Variants in TRPC5 observed in about 807,000 individuals in gnomAD.
TRPC5 encodes short transient receptor potential channel 5.
A neutral mutation model predicts 56.5 loss-of-function variants in TRPC5; 9 were observed. The observed-to-expected ratio is 0.16, with a 90% CI of 0.10 to 0.28. TRPC5 has a LOEUF of 0.28. TRPC5 is among the 10% of genes least tolerant of loss of function. TRPC5 has a pLI of 1.00. For missense variants in TRPC5, 469 were observed against 748.9 expected (o/e 0.63, Z 4.36); for synonymous variants, 282 against 278.5 (o/e 1.01, Z -0.13).
chrX:111,825,703 A>G (rs1922212906), intron 7 of TRPC5, among the ~76,000 whole-genome samples: 1 of 112,116 alleles, frequency 8.9e-6, no homozygotes, highest in South Asian at 3.8e-4. Flanking sequence ...TTCGAGGGTC[A>G]ACAGGAAGAG....
chrX:111,856,269 C>T lies in TRPC5; in HGVS notation c.901-2163G>A, dbSNP rs182093670. Among the ~76,000 whole-genome samples, 170 of 110,349 alleles carry T rather than the reference C, an allele frequency of 1.5e-3. 1 individual carries two copies. The highest frequency in any genetic ancestry group is 5.5e-3 in the African/African-American group (166 of 30,314). On this transcript the variant is annotated intron_variant, in intron 3 of 10. Transcript: ENST00000262839. Reference sequence around the variant, plus strand: ...AAAATAGTATGGACTCAGCTGGGCACGGTGGCTCATGCCTGTAGTCCTGGA... The same window carrying T: ...AAAATAGTATGGACTCAGCTGGGCATGGTGGCTCATGCCTGTAGTCCTGGA...
At chrX:111,787,257 CA>C (rs1436949021) in intron 7 of TRPC5, among the ~76,000 whole-genome samples, 1 of 111,856 alleles carries the variant, frequency 8.9e-6, no homozygotes, top group East Asian at 2.8e-4. Context: ...GAAAATCACT[CA>C]AAACTGCACA....
chrX:111,908,435 T>C (rs1473144780), intron 3 of TRPC5, among the ~76,000 whole-genome samples: 1 of 111,699 alleles, frequency 9.0e-6, no homozygotes, highest in Non-Finnish European at 1.9e-5. Context: ...AATATATAAA[T>C]ATAAATCTCC....
At chrX:111,983,188 A>G (rs1395304718) in intron 1 of TRPC5, among the ~76,000 whole-genome samples, 1 of 111,696 alleles carries the variant, frequency 9.0e-6, no homozygotes, top group African/African-American at 3.3e-5. Context: ...TAAGTCCATG[A>G]ATGATAGTTT....
intron 1 of TRPC5, among the ~76,000 whole-genome samples, chrX:111,961,053 G>C (rs1049928392): frequency 3.6e-5 from 4 of 111,500 alleles, no homozygotes; most frequent in African/African-American, 1.3e-4. Flanking sequence ...CTCGTGATCT[G>C]TCTGCCTTGG....
intron 7 of TRPC5, among the ~76,000 whole-genome samples, chrX:111,788,414 CAAAAT>C (rs778421789): frequency 1.8e-5 from 2 of 111,644 alleles, no homozygotes; most frequent in South Asian, 7.6e-4. Context: ...GAATGTATCT[CAAAAT>C]AATAAGAGCT....
At position 111,768,019 on chromosome X, in the gene TRPC5, G is replaced by GA. The variant is rs1248259633; in HGVS notation, c.*8293dup. ...ATCTGAGTTGTCACACATTTCAGGGGAAAAAAGTAAATACTTTATTTTGTT... is the reference window on the plus strand; with the variant it reads ...ATCTGAGTTGTCACACATTTCAGGGGAAAAAAAGTAAATACTTTATTTTGTT... On this transcript the variant is annotated 3_prime_UTR_variant, in exon 11 of 11. Transcript: ENST00000262839. 2.7e-5 allele frequency among the ~76,000 whole-genome samples: 3 copies of GA among 111,347 alleles called. No individual in the cohort carries two copies.
chrX:112,042,291 C>G (rs776700326), intron 1 of TRPC5, among the ~76,000 whole-genome samples: 2 of 111,078 alleles, frequency 1.8e-5, no homozygotes, highest in Non-Finnish European at 3.8e-5. Context: ...GCAGGATCCG[C>G]GAGAAAGGAA....
chrX:111,966,026 T>C (rs1267957686), intron 1 of TRPC5, among the ~76,000 whole-genome samples: 1 of 111,015 alleles, frequency 9.0e-6, no homozygotes, highest in Non-Finnish European at 1.9e-5. Context: ...TTCAAAAAAT[T>C]AATGAATCCA....
intron 3 of TRPC5, among the ~76,000 whole-genome samples, chrX:111,856,247 A>G (rs1923223767): frequency 9.0e-6 from 1 of 110,671 alleles, no homozygotes. Context: ...GCCATTAAAA[A>G]TAGTATGGAC....
At chrX:111,893,942 G>A (rs1924935531) in intron 3 of TRPC5, among the ~76,000 whole-genome samples, 1 of 111,827 alleles carries the variant, frequency 8.9e-6, no homozygotes, top group Non-Finnish European at 1.9e-5. Context: ...TGCCCTTTGT[G>A]GATAAAGTTC....
At chrX:111,966,379 C>T (rs1927577965) in intron 1 of TRPC5, among the ~76,000 whole-genome samples, 1 of 111,666 alleles carries the variant, frequency 9.0e-6, no homozygotes, top group East Asian at 2.8e-4. Flanking sequence ...GATGGATTCA[C>T]AGCCGAATTC....
chrX:112,005,130 T>C (rs1928801020), intron 1 of TRPC5, among the ~76,000 whole-genome samples: 1 of 110,437 alleles, frequency 9.1e-6, no homozygotes, highest in African/African-American at 3.3e-5. Context: ...CCAGCAGTCA[T>C]AAAAAAAGAA....
chrX:112,068,026 A>C (rs1330534791), intron 1 of TRPC5, among the ~76,000 whole-genome samples: 1 of 112,510 alleles, frequency 8.9e-6, no homozygotes, highest in Non-Finnish European at 1.9e-5. Flanking sequence ...ACTGAGGCAT[A>C]GACAGGTTAG....
intron 1 of TRPC5, among the ~76,000 whole-genome samples, chrX:112,047,846 TAAAG>T (rs1162182317): frequency 8.9e-6 from 1 of 111,894 alleles, no homozygotes; most frequent in Non-Finnish European, 1.9e-5. Context: ...TTGTCTAATC[TAAAG>T]AAAGACTGTT....
intron 1 of TRPC5, among the ~76,000 whole-genome samples, chrX:112,042,477 A>G (rs1929918834): frequency 9.0e-6 from 1 of 111,574 alleles, no homozygotes; most frequent in East Asian, 2.8e-4. Flanking sequence ...TAAAGGTACT[A>G]TCACTCTTAA....
intron 1 of TRPC5, among the ~76,000 whole-genome samples, chrX:112,012,537 T>G (rs1929019356): frequency 9.0e-6 from 1 of 110,943 alleles, no homozygotes; most frequent in Non-Finnish European, 1.9e-5. Context: ...GTGTCTTTAC[T>G]GGGCTCTTAT....
At chrX:111,930,730 C>A (rs1926387685) in intron 2 of TRPC5, 1 of 111,998 alleles carries the variant, frequency 8.9e-6, no homozygotes, top group Non-Finnish European at 1.9e-5. Context: ...AATTTGGTAG[C>A]TAGCCTGCAG....
At chrX:111,886,875 C>A (rs1202434541) in intron 3 of TRPC5, among the ~76,000 whole-genome samples, 1 of 112,770 alleles carries the variant, frequency 8.9e-6, no homozygotes, top group African/African-American at 3.2e-5. Context: ...ACTATGTTAT[C>A]CTGAGGACAA....
Sources: allele counts gnomAD v4.1 joint callset (sites outside exome capture counted in the v4.1 genomes callset), GRCh38; gene constraint gnomAD v4.1.1; transcripts MANE v1.5; gene names NCBI Gene and HGNC (gene_info 2026-07-23, HGNC 2026-07-21).